CEP44: variants seen among roughly 807,000 people sequenced by gnomAD.
CEP44 encodes centrosomal protein of 44 kDa.
CEP44 carries 45 observed loss-of-function variants against 46.7 expected under a neutral mutation model. That is an observed-to-expected ratio of 0.96 (90% CI 0.76 to 1.24). CEP44 has a LOEUF of 1.24. Ranked by LOEUF, CEP44 falls within the 50% of genes most tolerant of loss-of-function variation. CEP44 has a pLI of 0.00. For missense variants in CEP44, 475 were observed against 459.7 expected (o/e 1.03, Z -0.30); for synonymous variants, 142 against 146.0 (o/e 0.97, Z 0.20).
chr4:174,321,742 G>C (rs552504595), downstream of CEP44, among the ~76,000 whole-genome samples: 1 of 152,108 alleles, frequency 6.6e-6, no homozygotes, highest in East Asian at 1.9e-4. Context: ...GTATTATATG[G>C]TCTTACAAAC....
Position 174,316,226 on chromosome 4 carries a change from C to A in CEP44, c.1022C>A (p.Ala341Glu), listed in dbSNP as rs765639477. The A allele has an allele frequency of 6.2e-7, 1 of 1,613,222 alleles. No homozygotes were observed. Residue 341 changes from alanine (A) to glutamate (E), a missense_variant, in exon 10 of 12, where the codon GCA becomes GAA. Transcript: ENST00000503780. ...SIPLSSGYST[A>E]SSDSTPRAST... ...CCTCTGTCCTCTGGCTATAGTACAG[C>A]ATCATCAGATTCAACTCCCAGAGCC...
At position 174,319,196 on chromosome 4, in the gene CEP44, T is replaced by A; in HGVS notation, c.*1813T>A. 1 of 975,944 alleles carries A rather than the reference T, an allele frequency of 1.0e-6. No homozygotes were observed. The highest frequency in any genetic ancestry group is 4.7e-5 in the South Asian group (1 of 21,096). The allele number at this position is 975,944 out of a possible 1,614,324, so 60.5% of individuals were successfully genotyped here. On this transcript the variant is annotated 3_prime_UTR_variant, in exon 12 of 12. Transcript: ENST00000503780. ...ATACAATTTTGAATTTAACAGAGTTTCAGTAAATATTTCCAGAATTAATGA... is the reference window on the plus strand; with the variant it reads ...ATACAATTTTGAATTTAACAGAGTTACAGTAAATATTTCCAGAATTAATGA...
rs759637737 is a variant in CEP44 at position 174,303,713 on chromosome 4, A to G, written c.248A>G (p.Asp83Gly). Reference protein sequence around the residue: ...FIDAVYKLLRDQFNYKPILTK... With the variant: ...FIDAVYKLLRGQFNYKPILTK... Reference sequence around the variant, plus strand: ...CTGTTTCCTCTGCAGCTTCTTCGTGATCAATTTAATTATAAACCAATTTTG... The same window carrying G: ...CTGTTTCCTCTGCAGCTTCTTCGTGGTCAATTTAATTATAAACCAATTTTG... Residue 83 changes from aspartate (D) to glycine (G), a missense_variant, in exon 5 of 12, where the codon GAT becomes GGT. Physicochemically the swap from Asp to Gly is moderately conservative, Grantham distance 94. Coordinates refer to ENST00000503780, the MANE Select transcript of CEP44 (RefSeq NM_001040157.3). 5 of 1,525,484 alleles carry G rather than the reference A, an allele frequency of 3.3e-6. No homozygotes were observed. The highest frequency in any genetic ancestry group is 1.4e-5 in the African/African-American group (1 of 73,458). The allele number at this position is 1,525,484 out of a possible 1,614,324, so 94.5% of individuals were successfully genotyped here.
downstream of CEP44, among the ~76,000 whole-genome samples, chr4:174,321,465 C>G (rs1003623588): frequency 3.3e-5 from 5 of 152,030 alleles, no homozygotes; most frequent in Non-Finnish European, 7.4e-5. Context: ...TAGGTGTAAG[C>G]TTTGTACAAA....
chr4:174,327,262 T>A (rs1742738773), intron 8 of CEP44, among the ~76,000 whole-genome samples: 1 of 151,080 alleles, frequency 6.6e-6, no homozygotes, highest in Non-Finnish European at 1.5e-5. Context: ...GTGCATGAAC[T>A]TTATGTAGAA....
In CEP44 at chr4:174,302,180, C is replaced by T; in HGVS notation, c.231C>T (p.Val77=). The part of the protein sequence containing the change: ...AKNDLRFIDA[V]YKLLRDQFNY... ...ATGACTTGCGCTTTATAGATGCTGTCTATAAGGTATTTTGAGTTTATCAAA... is the reference window on the plus strand; with the variant it reads ...ATGACTTGCGCTTTATAGATGCTGTTTATAAGGTATTTTGAGTTTATCAAA... Residue 77 remains valine, a synonymous_variant, in exon 4 of 12, where the codon GTC becomes GTT. Transcript: ENST00000503780. The T allele has an allele frequency of 1.3e-6, 2 of 1,585,808 alleles. No individual in the cohort carries two copies. The highest frequency in any genetic ancestry group is 1.7e-6 in the Non-Finnish European group (2 of 1,165,228).
exon 9 of CEP44, chr4:174,333,113 ATGT>A (rs1400063802): frequency 6.6e-6 from 1 of 151,958 alleles, no homozygotes; most frequent in Non-Finnish European, 1.5e-5. Flanking sequence ...TTTCAGAAAA[ATGT>A]TGTCAACTTT....
chr4:174,296,088 A>G (rs1335916029), intron 1 of CEP44, among the ~76,000 whole-genome samples: 2 of 152,198 alleles, frequency 1.3e-5, no homozygotes, highest in African/African-American at 4.8e-5. Context: ...TCAAGATTAT[A>G]AGTAATTCCT....
rs78051147 is a variant in CEP44 at position 174,290,138 on chromosome 4, G to A, written c.-148+6195G>A. ...AAAAGTGCTAGGATTATAGGCGTGA[G>A]CCACTGTGTCCTGCCTCTTTCTTCT... On this transcript the variant is annotated intron_variant, in intron 1 of 11. Transcript: ENST00000503780. The surrounding 1 kb of genome is among the most constrained non-coding windows in gnomAD (Gnocchi z 4.3). Among the ~76,000 whole-genome samples the A allele has an allele frequency of 2.6e-5, 4 of 152,256 alleles. No homozygotes were observed. The East Asian group carries it at 7.7e-4, about 29-fold the overall frequency.
At chr4:174,294,707 TGGCC>T (rs1738664304) in intron 1 of CEP44, among the ~76,000 whole-genome samples, 1 of 141,670 alleles carries the variant, frequency 7.1e-6, no homozygotes, top group African/African-American at 2.7e-5. Context: ...AAGGGGTGGC[TGGCC>T]GGGCGGGGGG....
Position 174,317,423 on chromosome 4 carries a change from A to T in CEP44, c.*40A>T. The T allele has an allele frequency of 3.7e-6, 5 of 1,355,472 alleles. No homozygotes were observed. Among genetic ancestry groups the T allele is most frequent in the Non-Finnish European group, 3.9e-6 (4 of 1,028,636 alleles). The allele number at this position is 1,355,472 out of a possible 1,614,324, so 84.0% of individuals were successfully genotyped here. ...ACTTTTTTCTAGGACTTTGGTTACT[A>T]TACATATTGTATATTTTAAGAATTC... On this transcript the variant is annotated 3_prime_UTR_variant, in exon 12 of 12. Coordinates refer to ENST00000503780, the MANE Select transcript of CEP44 (RefSeq NM_001040157.3).
In CEP44 at chr4:174,290,086, C is replaced by A. The variant is rs185438406; in HGVS notation, c.-148+6143C>A. On this transcript the variant is annotated intron_variant, in intron 1 of 11. Transcript: ENST00000503780. The surrounding 1 kb of genome is among the most constrained non-coding windows in gnomAD (Gnocchi z 4.3). The stretch of plus-strand genomic sequence containing the variant: ...AGCCAGGATGGTCTCAATCTCTTGA[C>A]CTAGTGACCCGCCTGCCTCAGCCCC... Among the ~76,000 whole-genome samples, 85 of 152,200 alleles carry A rather than the reference C, an allele frequency of 5.6e-4. No homozygotes were observed. The highest frequency in any genetic ancestry group is 3.4e-3 in the Middle Eastern group (1 of 294).
rs1449759702 is a variant in CEP44 at position 174,317,612 on chromosome 4, A to G, written c.*229A>G. 1 of 1,079,164 alleles carries G rather than the reference A, an allele frequency of 9.3e-7. No homozygotes were observed. The highest frequency in any genetic ancestry group is 1.1e-6 in the Non-Finnish European group (1 of 888,074). The allele number at this position is 1,079,164 out of a possible 1,614,324, so 66.8% of individuals were successfully genotyped here. ...CTTTTTTTTTTTTTAGGAAAAACTC[A>G]TGTTCCAGTATATTTCTCTTACAGA... On this transcript the variant is annotated 3_prime_UTR_variant, in exon 12 of 12. Coordinates refer to ENST00000503780, the MANE Select transcript of CEP44 (RefSeq NM_001040157.3).
rs796479106 is a variant in CEP44, at chr4:174,329,713, T to C, written c.1087-1769T>C. On this transcript the variant is annotated intron_variant, in intron 8 of 8. Transcript: ENST00000426172. This position sits in a 1 kb window ranked among gnomAD's most constrained non-coding sequence, Gnocchi z 4.0. ...AAAGGATAAGACTGTTTGGATTATG[T>C]TCTTCTCTAATTTAGTTAAAAAAAT... Among the ~76,000 whole-genome samples, 34 of 152,250 alleles carry C rather than the reference T, an allele frequency of 2.2e-4. No homozygotes were observed. Among genetic ancestry groups the C allele is most frequent in the African/African-American group, 4.3e-4 (18 of 41,570 alleles).
At chr4:174,295,090 A>C in intron 1 of CEP44, among the ~76,000 whole-genome samples, 1 of 134,464 alleles carries the variant, frequency 7.4e-6, no homozygotes, top group African/African-American at 2.9e-5. Flanking sequence ...TGATCCCCCC[A>C]CCTCCCTCCC....
intron 3 of CEP44, among the ~76,000 whole-genome samples, chr4:174,300,351 T>C (rs1181776661): frequency 1.3e-5 from 2 of 152,150 alleles, no homozygotes; most frequent in African/African-American, 2.4e-5. Context: ...ATGTAATCCA[T>C]GTATGTAAAA....
intron 1 of CEP44, among the ~76,000 whole-genome samples, chr4:174,295,408 C>T (rs1398550120): frequency 1.3e-4 from 20 of 151,480 alleles, no homozygotes; most frequent in African/African-American, 4.4e-4. Flanking sequence ...GGCAGAGACG[C>T]TCCTTACTTC....
chr4:174,292,892 T>G, intron 1 of CEP44, among the ~76,000 whole-genome samples: 1 of 152,256 alleles, frequency 6.6e-6, no homozygotes, highest in East Asian at 1.9e-4. Context: ...CTTGTTATAG[T>G]CAGTTTCTGT....
chr4:174,308,604 T>G, intron 6 of CEP44, 85 bp from the exon 7 acceptor site: 1 of 1,322,716 alleles, frequency 7.6e-7, no homozygotes. Context: ...AACCTGCACA[T>G]GGACCCCTGA....
Sources: gnomAD v4.1 joint callset for allele counts (sites outside exome capture counted in the v4.1 genomes callset) on GRCh38, gnomAD v4.1.1 for gene constraint, Gnocchi (gnomAD v3.1) non-coding constraint, MANE v1.5 for transcripts, NCBI Gene and HGNC (gene_info 2026-07-23, HGNC 2026-07-21) for gene names.